PTCHD4: variants seen among roughly 807,000 people sequenced by gnomAD.
The protein encoded by PTCHD4 is patched domain-containing protein 4.
Under a neutral mutation model 58.1 loss-of-function variants are expected in PTCHD4, and 33 were observed. The ratio of observed to expected loss-of-function variants is 0.57; its 90% confidence interval spans 0.43 to 0.76. The LOEUF (loss-of-function observed/expected upper bound fraction) is 0.76. Ranked by LOEUF, PTCHD4 falls within the 30% of genes least tolerant of loss-of-function variation. The probability of loss-of-function intolerance (pLI) is 0.00; values close to 1 mark genes in which losing one functional copy is unlikely to be tolerated. For missense variants in PTCHD4, 1,058 were observed against 1,027.1 expected, an observed-to-expected ratio of 1.03 and a Z score of -0.41; for synonymous variants, 478 against 409.6, an observed-to-expected ratio of 1.17 and a Z score of -2.02.
rs976897378 is a variant in PTCHD4 at position 47,862,486 on chromosome 6, C to T, written c.*15817G>A. 6.6e-6 allele frequency among the ~76,000 whole-genome samples: 1 copy of T among 151,518 alleles called. No homozygotes were observed. The highest frequency in any genetic ancestry group is 6.6e-5 in the Admixed American group (1 of 15,176). ...AAAAGAATGAAAAATAAAATATCAA[C>T]CTGTTTATTTATTTGGTTTCCTGGC... On this transcript the variant is annotated 3_prime_UTR_variant, in exon 5 of 5. Transcript: ENST00000339488.
intron 4 of PTCHD4, among the ~76,000 whole-genome samples, chr6:47,952,416 G>A (rs186257773): frequency 6.6e-6 from 1 of 151,892 alleles, no homozygotes; most frequent in Non-Finnish European, 1.5e-5. Flanking sequence ...TTAATTATTA[G>A]CTTCTATGAG....
chr6:48,078,485 C>T (rs1367092945), intron 1 of PTCHD4, among the ~76,000 whole-genome samples: 1 of 152,198 alleles, frequency 6.6e-6, no homozygotes, highest in Non-Finnish European at 1.5e-5. Flanking sequence ...AGATGACATG[C>T]TGCTTTGTGC....
intron 4 of PTCHD4, among the ~76,000 whole-genome samples, chr6:47,940,418 T>G (rs1381493672): frequency 6.6e-6 from 1 of 152,142 alleles, no homozygotes; most frequent in Non-Finnish European, 1.5e-5. Flanking sequence ...CTAAAAAAAT[T>G]ATTTAAAAAA....
chr6:48,102,506 C>G (rs150111474), intron 1 of PTCHD4, among the ~76,000 whole-genome samples: 107 of 152,268 alleles, frequency 7.0e-4, no homozygotes, highest in African/African-American at 2.5e-3. Flanking sequence ...CAAATAGGAA[C>G]AGCTCCAGTC....
chr6:47,934,516 C>T (rs1197851436), intron 4 of PTCHD4, among the ~76,000 whole-genome samples: 3 of 151,954 alleles, frequency 2.0e-5, no homozygotes, highest in African/African-American at 4.8e-5. Context: ...GTAATGTAAT[C>T]TAGTAGCATA....
chr6:47,878,817 A>T lies in PTCHD4; in HGVS notation c.2018T>A (p.Phe673Tyr). Reference sequence around the variant, plus strand: ...TCCCAGAGGGTGGATCACTAGGAAAAAAGTCAGGATTAACACCAGGAGAAC... The same window carrying T: ...TCCCAGAGGGTGGATCACTAGGAAATAAGTCAGGATTAACACCAGGAGAAC... The part of the protein sequence containing the change: ...FGVLLVLILT[F>Y]FLVIHPLGNF... The change falls in exon 5 of 5, where the codon TTT becomes TAT. Residue 673 changes from phenylalanine (F) to tyrosine (Y), a missense_variant. Coordinates refer to ENST00000339488, the MANE Select transcript of PTCHD4 (RefSeq NM_001384253.1). The T allele has an allele frequency of 1.2e-6, 2 of 1,613,644 alleles. No individual in the cohort carries two copies. The highest frequency in any genetic ancestry group is 1.7e-6 in the Non-Finnish European group (2 of 1,179,734).
At chr6:47,885,586 G>A (rs1764166596) in intron 4 of PTCHD4, among the ~76,000 whole-genome samples, 1 of 152,102 alleles carries the variant, frequency 6.6e-6, no homozygotes. Flanking sequence ...AGTGAGGTGG[G>A]GAGCACTCAG....
intron 4 of PTCHD4, among the ~76,000 whole-genome samples, chr6:47,922,407 G>A (rs1765464098): frequency 6.6e-6 from 1 of 152,090 alleles, no homozygotes; most frequent in African/African-American, 2.4e-5. Flanking sequence ...TTCCCATTGT[G>A]GATATGAGTG....
chr6:47,898,812 A>G (rs1764606621), intron 4 of PTCHD4, among the ~76,000 whole-genome samples: 1 of 152,190 alleles, frequency 6.6e-6, no homozygotes, highest in Non-Finnish European at 1.5e-5. Context: ...GAACAAAGGA[A>G]AGAGAGAGAA....
intron 4 of PTCHD4, among the ~76,000 whole-genome samples, chr6:47,977,787 GT>G (rs745911461): frequency 1.4e-4 from 21 of 152,098 alleles, no homozygotes; most frequent in Non-Finnish European, 2.5e-4. Flanking sequence ...ATATCTTGAA[GT>G]TTTTCCATAA....
intron 4 of PTCHD4, among the ~76,000 whole-genome samples, chr6:47,938,161 AAAAAG>A (rs1766078492): frequency 6.6e-6 from 1 of 152,210 alleles, no homozygotes; most frequent in Non-Finnish European, 1.5e-5. Context: ...TTAAAAAAAG[AAAAAG>A]AAATAAAATA....
chr6:47,915,956 G>C lies in PTCHD4; in HGVS notation c.899-36020C>G, dbSNP rs150215686. 4.5e-3 allele frequency among the ~76,000 whole-genome samples: 688 copies of C among 152,210 alleles called. 5 individuals are homozygous for C. Among genetic ancestry groups the C allele is most frequent in the African/African-American group, 0.015 (641 of 41,540 alleles). ...TTATACACACTGCTGAAAGATTTCCGAGCTGCAGAATCTGAATCCTGTTTC... is the reference window on the plus strand; with the variant it reads ...TTATACACACTGCTGAAAGATTTCCCAGCTGCAGAATCTGAATCCTGTTTC... On this transcript the variant is annotated intron_variant, in intron 4 of 4. Coordinates refer to ENST00000339488, the MANE Select transcript of PTCHD4 (RefSeq NM_001384253.1).
chr6:47,901,214 G>A (rs4715055), intron 4 of PTCHD4: 99,290 of 150,852 alleles, frequency 0.66, 32,966 homozygotes, highest in East Asian at 0.78. Context: ...AAAATAAATA[G>A]AAATAAACCT....
At chr6:47,908,624 G>A (rs1490231763) in intron 4 of PTCHD4, among the ~76,000 whole-genome samples, 1 of 152,236 alleles carries the variant, frequency 6.6e-6, no homozygotes, top group African/African-American at 2.4e-5. Flanking sequence ...TCTATTCTGG[G>A]CTGGAAGTCA....
At chr6:47,954,728 T>G (rs1161916426) in intron 4 of PTCHD4, among the ~76,000 whole-genome samples, 4 of 152,222 alleles carry the variant, frequency 2.6e-5, no homozygotes, top group Non-Finnish European at 4.4e-5. Flanking sequence ...TTTAAGGGAA[T>G]ATTCCTCCTA....
intron 1 of PTCHD4, among the ~76,000 whole-genome samples, chr6:48,077,511 C>A (rs905541966): frequency 6.6e-6 from 1 of 152,188 alleles, no homozygotes; most frequent in Non-Finnish European, 1.5e-5. Context: ...TTTCCTTCAA[C>A]CTCATGAAAC....
chr6:48,061,206 T>C (rs1026375180), intron 3 of PTCHD4, among the ~76,000 whole-genome samples: 18 of 152,204 alleles, frequency 1.2e-4, no homozygotes, highest in African/African-American at 4.3e-4. Flanking sequence ...AAAATGCTGC[T>C]GATTTTTTTT....
chr6:48,088,055 T>C (rs1765295846), intron 1 of PTCHD4, among the ~76,000 whole-genome samples: 1 of 152,110 alleles, frequency 6.6e-6, no homozygotes, highest in Non-Finnish European at 1.5e-5. Context: ...AAAATCAAAA[T>C]AAAATTTTAA....
intron 3 of PTCHD4, among the ~76,000 whole-genome samples, chr6:48,021,448 G>A (rs187976365): frequency 6.6e-6 from 1 of 152,152 alleles, no homozygotes; most frequent in Non-Finnish European, 1.5e-5. Context: ...TTCTGAATTG[G>A]CCCACATAAG....
Sources: allele counts gnomAD v4.1 joint callset (sites outside exome capture counted in the v4.1 genomes callset), GRCh38; gene constraint gnomAD v4.1.1; transcripts MANE v1.5; gene names NCBI Gene and HGNC (gene_info 2026-07-23, HGNC 2026-07-21).